Variants in NAV2 observed in about 807,000 individuals in gnomAD.
NAV2 encodes the protein neuron navigator 2, also known as helicase, APC down-regulated 1.
In NAV2, 54 loss-of-function variants were observed where a neutral mutation model predicts 223.2. That is an observed-to-expected ratio of 0.24 (90% CI 0.19 to 0.30). NAV2 has a LOEUF of 0.30. NAV2 is among the 10% of genes least tolerant of loss of function. The pLI is 1.00. For missense variants in NAV2, 2,806 were observed against 3,147.5 expected (o/e 0.89, Z 2.60); for synonymous variants, 1,279 against 1,239.3 (o/e 1.03, Z -0.67).
chr11:19,389,849 T>C (rs1849181013), intron 1 of NAV2, among the ~76,000 whole-genome samples: 1 of 152,206 alleles, frequency 6.6e-6, no homozygotes, highest in Non-Finnish European at 1.5e-5. Context: ...AAGCTCTTCA[T>C]GGTGAAGGAC....
chr11:19,378,206 T>A (rs1181980485), intron 1 of NAV2, among the ~76,000 whole-genome samples: 1 of 152,188 alleles, frequency 6.6e-6, no homozygotes, highest in Non-Finnish European at 1.5e-5. Context: ...CCTACACATG[T>A]CATTTGTCTT....
chr11:19,840,040 T>G (rs1404634103), intron 2 of NAV2, among the ~76,000 whole-genome samples: 1 of 152,254 alleles, frequency 6.6e-6, no homozygotes, highest in African/African-American at 2.4e-5. Context: ...CTATTAGCAC[T>G]CTAATTATTT....
intron 11 of NAV2, among the ~76,000 whole-genome samples, chr11:19,988,906 C>G (rs1365568829): frequency 3.9e-5 from 6 of 152,186 alleles, no homozygotes; most frequent in Non-Finnish European, 8.8e-5. Flanking sequence ...GGATTCAGGT[C>G]TGATCTGGAG....
At chr11:19,630,936 A>AC (rs767722221) in intron 1 of NAV2, among the ~76,000 whole-genome samples, 5,080 of 147,458 alleles carry the variant, frequency 0.034, 125 homozygotes, top group Middle Eastern at 0.062. Flanking sequence ...AAAAAAAAAA[A>AC]AGGAAAAAAG....
chr11:19,436,193 G>T (rs968975273), intron 1 of NAV2, among the ~76,000 whole-genome samples: 1 of 152,026 alleles, frequency 6.6e-6, no homozygotes, highest in Non-Finnish European at 1.5e-5. Flanking sequence ...TAATTTTTCA[G>T]TTCCAGGTCT....
intron 1 of NAV2, among the ~76,000 whole-genome samples, chr11:19,458,214 T>C (rs979146500): frequency 3.1e-4 from 47 of 152,278 alleles, no homozygotes; most frequent in African/African-American, 1.1e-3. Flanking sequence ...TCCTGAAGCA[T>C]GTGGATGAGA....
chr11:20,070,954 T>C (rs1437872521), intron 22 of NAV2, among the ~76,000 whole-genome samples: 4 of 152,124 alleles, frequency 2.6e-5, no homozygotes, highest in African/African-American at 4.8e-5. Context: ...GTCAGGTTTT[T>C]TAAATTTTTT....
intron 1 of NAV2, among the ~76,000 whole-genome samples, chr11:19,509,405 T>C (rs895196140): frequency 6.6e-6 from 1 of 152,170 alleles, no homozygotes; most frequent in African/African-American, 2.4e-5. Flanking sequence ...AATTACATTA[T>C]GGAGTTTGAG....
intron 32 of NAV2, among the ~76,000 whole-genome samples, chr11:20,102,935 G>A (rs1412439995): frequency 2.0e-5 from 3 of 152,048 alleles, no homozygotes; most frequent in African/African-American, 7.2e-5. Flanking sequence ...ATGTGTAGAG[G>A]GCTTCTGTGT....
intron 1 of NAV2, among the ~76,000 whole-genome samples, chr11:19,732,109 C>T (rs1426916004): frequency 1.3e-5 from 2 of 152,024 alleles, no homozygotes; most frequent in Non-Finnish European, 2.9e-5. Flanking sequence ...AAAAATTAAC[C>T]AGGCATGGTG....
At chr11:19,496,180 A>T (rs533264853) in intron 1 of NAV2, among the ~76,000 whole-genome samples, 2 of 152,354 alleles carry the variant, frequency 1.3e-5, no homozygotes, top group South Asian at 4.1e-4. Flanking sequence ...CTCTGATTAA[A>T]AAGCCTCCCC....
At chr11:19,805,373 C>T (rs1406273813) in intron 1 of NAV2, among the ~76,000 whole-genome samples, 1 of 152,172 alleles carries the variant, frequency 6.6e-6, no homozygotes, top group Non-Finnish European at 1.5e-5. Flanking sequence ...GACCTACTCT[C>T]CAGCCTCACG....
At chr11:19,746,998 C>T (rs1678773462) in intron 1 of NAV2, among the ~76,000 whole-genome samples, 1 of 147,776 alleles carries the variant, frequency 6.8e-6, no homozygotes, top group South Asian at 2.2e-4. Context: ...CCCATTAACT[C>T]ATCATTTAGC....
At chr11:19,745,880 A>G (rs759181476) in intron 1 of NAV2, among the ~76,000 whole-genome samples, 3 of 152,170 alleles carry the variant, frequency 2.0e-5, no homozygotes, top group Non-Finnish European at 4.4e-5. Flanking sequence ...AGGCCATACA[A>G]TGGTACTTGT....
intron 1 of NAV2, among the ~76,000 whole-genome samples, chr11:19,587,160 C>T (rs1307677572): frequency 2.6e-5 from 4 of 152,192 alleles, no homozygotes; most frequent in African/African-American, 9.6e-5. Flanking sequence ...GCTCTGTGGG[C>T]ATAGGACCCT....
In NAV2 at chr11:19,393,895, G is replaced by GTTT. The variant is rs5790072; in HGVS notation, c.75+42876_75+42878dup. On this transcript the variant is annotated intron_variant, in intron 1 of 37. Coordinates refer to the NAV2 transcript ENST00000360655. Reference sequence around the variant, plus strand: ...TAAAAAGAGATTTTATAACTTAAGGGTTTTTTTTTTCTTTTTTTTTTTTTA... The same window carrying GTTT: ...TAAAAAGAGATTTTATAACTTAAGGGTTTTTTTTTTTTTCTTTTTTTTTTTTTA... 1.2e-4 allele frequency among the ~76,000 whole-genome samples: 16 copies of GTTT among 136,210 alleles called. 2 individuals are homozygous for GTTT. Among genetic ancestry groups the GTTT allele is most frequent in the South Asian group, 2.3e-4 (1 of 4,420 alleles). The allele number at this position is 136,210 out of a possible 152,430, so 89.4% of individuals were successfully genotyped here. A position where few individuals can be genotyped will look rare whatever the true frequency, so the allele number is the denominator to read the frequency against.
chr11:19,662,829 C>T (rs1565148400), intron 1 of NAV2, among the ~76,000 whole-genome samples: 2 of 152,234 alleles, frequency 1.3e-5, no homozygotes, highest in South Asian at 2.1e-4. Flanking sequence ...CTGGGCTGCA[C>T]GCCCTCCTCT....
intron 22 of NAV2, among the ~76,000 whole-genome samples, chr11:20,072,817 A>G (rs1374796085): frequency 6.6e-6 from 1 of 152,188 alleles, no homozygotes; most frequent in Non-Finnish European, 1.5e-5. Flanking sequence ...GTTGCTTATC[A>G]GGTTAAGGAG....
chr11:19,553,321 G>T (rs547043300), intron 1 of NAV2, among the ~76,000 whole-genome samples: 1 of 152,192 alleles, frequency 6.6e-6, no homozygotes, highest in South Asian at 2.1e-4. Context: ...TAATTTCATC[G>T]TCTTGAGCAG....
Sources: allele counts gnomAD v4.1 joint callset (sites outside exome capture counted in the v4.1 genomes callset), GRCh38; gene constraint gnomAD v4.1.1; transcripts MANE v1.5; gene names NCBI Gene and HGNC (gene_info 2026-07-23, HGNC 2026-07-21).